The following GLIS3 variants were observed in gnomAD, a reference collection of about 807,000 sequenced individuals.
The protein encoded by GLIS3 is zinc finger protein GLIS3.
A neutral mutation model predicts 78.6 loss-of-function variants in GLIS3; 53 were observed. The ratio of observed to expected loss-of-function variants is 0.67; its 90% CI spans 0.54 to 0.85. The LOEUF (loss-of-function observed/expected upper bound fraction) is 0.85, where lower values mean the gene tolerates loss of function less well. Among genes scored for constraint, GLIS3 ranks in the 40% least tolerant of loss-of-function variants. The probability of loss-of-function intolerance (pLI) is 0.00; values close to 1 mark genes in which losing one functional copy is unlikely to be tolerated. For synonymous variants in GLIS3, 684 were observed against 509.9 expected (o/e 1.34, Z -4.60); for missense variants, 1,703 against 1,231.1 (o/e 1.38, Z -5.74).
the GLIS3 span, among the ~76,000 whole-genome samples, chr9:4,463,588 C>T: frequency 1.6e-4 from 25 of 152,050 alleles, no homozygotes; most frequent in African/African-American, 1.7e-4. Context: ...CATCTTAATC[C>T]GCCTAGAGAT....
chr9:4,354,855 G>A, the GLIS3 span, among the ~76,000 whole-genome samples: 128 of 152,260 alleles, frequency 8.4e-4, no homozygotes, highest in African/African-American at 2.9e-3. Context: ...GGTGGCTCAT[G>A]CCTGTAATCC....
At chr9:4,298,271 T>C (rs1816771055) in intron 1 of GLIS3, 1 of 383,794 alleles carries the variant, frequency 2.6e-6, no homozygotes, top group Non-Finnish European at 5.2e-6. Context: ...GCCGAGCCAG[T>C]GTCCTCACCC....
chr9:3,896,318 T>A (rs933934541), intron 7 of GLIS3, among the ~76,000 whole-genome samples: 16 of 152,172 alleles, frequency 1.1e-4, no homozygotes, highest in Non-Finnish European at 1.9e-4. Flanking sequence ...AACATTTTTT[T>A]AAAAGGAAGA....
intron 4 of GLIS3, among the ~76,000 whole-genome samples, chr9:4,092,776 A>G (rs1430340868): frequency 6.6e-6 from 1 of 152,210 alleles, no homozygotes; most frequent in African/African-American, 2.4e-5. Context: ...TCTTTTATAA[A>G]CAGAAGGAAA....
At chr9:3,957,729 TC>T (rs1363044819) in intron 4 of GLIS3, among the ~76,000 whole-genome samples, 9 of 152,214 alleles carry the variant, frequency 5.9e-5, no homozygotes, top group Non-Finnish European at 1.3e-4. Context: ...TCATTGTCAT[TC>T]CCAGTCCATC....
intron 4 of GLIS3, among the ~76,000 whole-genome samples, chr9:4,053,836 T>A (rs1271754270): frequency 6.6e-6 from 1 of 152,176 alleles, no homozygotes; most frequent in East Asian, 1.9e-4. Flanking sequence ...TTTCCAATGT[T>A]CTTCTAAAGC....
chr9:4,188,802 C>T (rs62543599), intron 2 of GLIS3, among the ~76,000 whole-genome samples: 11,087 of 152,214 alleles, frequency 0.073, 488 homozygotes, highest in Non-Finnish European at 0.097. Context: ...TTGTAGTATT[C>T]TCTGATGGTA....
chr9:4,232,916 C>T (rs1822399683), intron 2 of GLIS3, among the ~76,000 whole-genome samples: 1 of 152,164 alleles, frequency 6.6e-6, no homozygotes, highest in African/African-American at 2.4e-5. Flanking sequence ...ATTATACCTC[C>T]AGTGGTAGAA....
intron 2 of GLIS3, among the ~76,000 whole-genome samples, chr9:4,322,349 G>C (rs1389192825): frequency 2.6e-5 from 4 of 152,186 alleles, no homozygotes; most frequent in African/African-American, 4.8e-5. Flanking sequence ...ATGTGTGCAT[G>C]TGTCTTTATA....
intron 2 of GLIS3, among the ~76,000 whole-genome samples, chr9:4,231,580 A>G (rs1196301065): frequency 2.0e-5 from 3 of 152,242 alleles, no homozygotes; most frequent in Non-Finnish European, 2.9e-5. Context: ...TGGAACAGAA[A>G]AACATCAGAA....
chr9:3,957,475 G>A (rs979675764), intron 4 of GLIS3, among the ~76,000 whole-genome samples: 17 of 152,208 alleles, frequency 1.1e-4, no homozygotes, highest in Non-Finnish European at 1.9e-4. Context: ...GATGAACCAC[G>A]AGATGGGATT....
the GLIS3 span, among the ~76,000 whole-genome samples, chr9:4,470,942 G>A: frequency 6.6e-6 from 1 of 151,952 alleles, no homozygotes; most frequent in Non-Finnish European, 1.5e-5. Flanking sequence ...AAAATCACAA[G>A]CATTCTTATA....
At chr9:4,235,395 G>A (rs901911235) in intron 2 of GLIS3, among the ~76,000 whole-genome samples, 2 of 151,748 alleles carry the variant, frequency 1.3e-5, no homozygotes, top group African/African-American at 4.8e-5. Context: ...GCTCATGCAT[G>A]TGCCACCGCT....
chr9:4,399,575 G>A, the GLIS3 span, among the ~76,000 whole-genome samples: 10 of 152,162 alleles, frequency 6.6e-5, no homozygotes, highest in Non-Finnish European at 1.0e-4. Context: ...CAACCATAAT[G>A]CCACGTTTAA....
chr9:4,167,775 C>T (rs907674005), intron 2 of GLIS3, among the ~76,000 whole-genome samples: 5 of 152,204 alleles, frequency 3.3e-5, no homozygotes, highest in African/African-American at 9.6e-5. Flanking sequence ...GCAAATCCAA[C>T]AGTAATACTT....
intron 2 of GLIS3, among the ~76,000 whole-genome samples, chr9:4,264,739 C>T (rs11791677): frequency 0.15 from 22,290 of 152,104 alleles, 1,741 homozygotes; most frequent in African/African-American, 0.17. Context: ...CCCTATAGCA[C>T]TTATTAACCC....
At chr9:4,311,149 C>T (rs1817346139) in intron 2 of GLIS3, among the ~76,000 whole-genome samples, 1 of 152,208 alleles carries the variant, frequency 6.6e-6, no homozygotes, top group South Asian at 2.1e-4. Flanking sequence ...TGGCTGATGC[C>T]TGTAATCCCA....
At chr9:4,037,547 A>AACACACAC (rs56254712) in intron 4 of GLIS3, among the ~76,000 whole-genome samples, 10,366 of 147,372 alleles carry the variant, frequency 0.07, 881 homozygotes, top group African/African-American at 0.21. Flanking sequence ...GTGTGCACAC[A>AACACACAC]ACACACACAC....
At chr9:4,345,982 G>A (rs956392082) in intron 2 of GLIS3, among the ~76,000 whole-genome samples, 1 of 152,180 alleles carries the variant, frequency 6.6e-6, no homozygotes, top group Admixed American at 6.5e-5. Flanking sequence ...AATACAGTTC[G>A]AGTGGGAGAT....
Sources: allele counts gnomAD v4.1 joint callset (sites outside exome capture counted in the v4.1 genomes callset), GRCh38; gene constraint gnomAD v4.1.1; transcripts MANE v1.5; gene names NCBI Gene and HGNC (gene_info 2026-07-23, HGNC 2026-07-21).